ATP8B4: variants seen among roughly 807,000 people sequenced by gnomAD.
ATP8B4 encodes ATPase phospholipid transporting 8B4 (putative).
In ATP8B4, 133 loss-of-function variants were observed where a neutral mutation model predicts 145.6. The observed-to-expected ratio is 0.91, with a 90% CI of 0.79 to 1.05. ATP8B4 has a LOEUF of 1.05. ATP8B4 is among the 50% of genes least tolerant of loss of function. ATP8B4 has a pLI of 0.00. For synonymous variants in ATP8B4, 507 were observed against 492.9 expected, an observed-to-expected ratio of 1.03 and a Z score of -0.38; for missense variants, 1,458 against 1,425.2, an observed-to-expected ratio of 1.02 and a Z score of -0.37.
At chr15:50,037,945 C>T (rs2050962402) in intron 6 of ATP8B4, among the ~76,000 whole-genome samples, 1 of 152,198 alleles carries the variant, frequency 6.6e-6, no homozygotes, top group Admixed American at 6.5e-5. Flanking sequence ...ATATCTTTAG[C>T]ATTTTCCCTC....
chr15:49,976,213 A>T (rs111295933), intron 12 of ATP8B4, among the ~76,000 whole-genome samples: 1,912 of 152,128 alleles, frequency 0.013, 21 homozygotes, highest in Admixed American at 0.021. Context: ...TTATTTATTT[A>T]TATATTTTCA....
rs1383531084 is a variant in ATP8B4 at position 50,029,128 on chromosome 15, G to C, written c.362+9640C>G. ...CACGCCTGTAGTCCCAGCTACTCGG[G>C]AGGCCGAGGCAAGAGAATCGCTTGA... On this transcript the variant is annotated intron_variant, in intron 6 of 27. Transcript: ENST00000284509. Among the ~76,000 whole-genome samples, 7 of 151,174 alleles carry C rather than the reference G, an allele frequency of 4.6e-5. 1 individual carries two copies. The highest frequency in any genetic ancestry group is 1.0e-4 in the Non-Finnish European group (7 of 67,926).
At chr15:49,972,201 C>A (rs956709083) in intron 13 of ATP8B4, among the ~76,000 whole-genome samples, 1 of 152,006 alleles carries the variant, frequency 6.6e-6, no homozygotes, top group African/African-American at 2.4e-5. Flanking sequence ...CAGCAAACCA[C>A]CATGGTACAT....
chr15:50,144,063 A>G (rs1176929430), intron 1 of ATP8B4, among the ~76,000 whole-genome samples: 1 of 152,158 alleles, frequency 6.6e-6, no homozygotes, highest in African/African-American at 2.4e-5. Context: ...AGCTGAGCCA[A>G]TTCAGGTCCC....
chr15:49,989,517 GTCATAA>G, intron 9 of ATP8B4, among the ~76,000 whole-genome samples: 1 of 152,086 alleles, frequency 6.6e-6, no homozygotes, highest in Non-Finnish European at 1.5e-5. Flanking sequence ...CATTTCTATT[GTCATAA>G]GCAAAGACTG....
At chr15:49,994,659 G>T (rs1057216554) in intron 9 of ATP8B4, among the ~76,000 whole-genome samples, 2 of 151,992 alleles carry the variant, frequency 1.3e-5, no homozygotes, top group Non-Finnish European at 2.9e-5. Context: ...ATGGTGGATT[G>T]AGAGTGTAAG....
intron 9 of ATP8B4, among the ~76,000 whole-genome samples, chr15:49,991,464 T>C (rs10519252): frequency 0.29 from 43,902 of 152,144 alleles, 6,823 homozygotes; most frequent in East Asian, 0.57. Context: ...GAATGTCCAG[T>C]TTACATAATA....
At chr15:49,977,741 AAGT>A (rs1435537225) in intron 12 of ATP8B4, among the ~76,000 whole-genome samples, 1 of 152,176 alleles carries the variant, frequency 6.6e-6, no homozygotes, top group African/African-American at 2.4e-5. Context: ...ATGCATAAGA[AAGT>A]AGTTTTTAAG....
At position 49,888,150 on chromosome 15, in the gene ATP8B4, G is replaced by A. The variant is rs375105749; in HGVS notation, c.2698-8691C>T. 1.1e-3 allele frequency among the ~76,000 whole-genome samples: 169 copies of A among 152,270 alleles called. 1 individual carries two copies. The highest frequency in any genetic ancestry group is 3.5e-3 in the African/African-American group (145 of 41,558). On this transcript the variant is annotated intron_variant, in intron 23 of 27. Transcript: ENST00000284509. ...TGATTTGTGTAATTAGTAAAAACCC[G>A]CTCGCAGCATCCAGGAGGAGTGACC...
At chr15:50,008,500 T>G (rs1254665013) in intron 7 of ATP8B4, among the ~76,000 whole-genome samples, 2 of 152,132 alleles carry the variant, frequency 1.3e-5, no homozygotes, top group African/African-American at 4.8e-5. Flanking sequence ...AAATCTAAAT[T>G]AATTAAAATT....
At chr15:50,057,004 G>A (rs2052659167) in intron 3 of ATP8B4, among the ~76,000 whole-genome samples, 1 of 152,108 alleles carries the variant, frequency 6.6e-6, no homozygotes, top group South Asian at 2.1e-4. Flanking sequence ...GGGATTACAG[G>A]TATGAGCCAC....
At chr15:50,118,157 GATAAA>G (rs2057209385) in intron 1 of ATP8B4, among the ~76,000 whole-genome samples, 1 of 151,972 alleles carries the variant, frequency 6.6e-6, no homozygotes, top group African/African-American at 2.4e-5. Context: ...AGATATAAAC[GATAAA>G]ATAAACGATA....
intron 14 of ATP8B4, among the ~76,000 whole-genome samples, chr15:49,940,430 A>G (rs2042075613): frequency 6.6e-6 from 1 of 152,184 alleles, no homozygotes; most frequent in African/African-American, 2.4e-5. Flanking sequence ...GGGTTGAAGA[A>G]CTACCTATTC....
At chr15:50,172,230 T>C (rs1220721027) in intron 1 of ATP8B4, among the ~76,000 whole-genome samples, 1 of 152,250 alleles carries the variant, frequency 6.6e-6, no homozygotes. Context: ...CTCCGCTCAC[T>C]GCAACCTCCC....
intron 6 of ATP8B4, among the ~76,000 whole-genome samples, chr15:50,013,254 T>C (rs1019419690): frequency 7.2e-5 from 11 of 152,124 alleles, no homozygotes; most frequent in Non-Finnish European, 1.2e-4. Context: ...TGGCTCTACA[T>C]GTGTGATGCA....
chr15:49,878,616 C>T (rs962958701), intron 24 of ATP8B4, among the ~76,000 whole-genome samples: 1 of 152,206 alleles, frequency 6.6e-6, no homozygotes, highest in Non-Finnish European at 1.5e-5. Flanking sequence ...CCACAGGCAG[C>T]CAGACTTTTT....
At chr15:49,952,295 G>A (rs1165832722) in intron 14 of ATP8B4, among the ~76,000 whole-genome samples, 1 of 152,108 alleles carries the variant, frequency 6.6e-6, no homozygotes, top group Non-Finnish European at 1.5e-5. Flanking sequence ...TTTCTTTTCA[G>A]ATTGTTTCCA....
At chr15:50,137,762 T>A (rs2153679508) in intron 1 of ATP8B4, among the ~76,000 whole-genome samples, 1 of 152,286 alleles carries the variant, frequency 6.6e-6, no homozygotes, top group South Asian at 2.1e-4. Flanking sequence ...ATATACAGTG[T>A]TAGAGCTGGG....
At chr15:49,982,233 A>G (rs900267451) in intron 10 of ATP8B4, among the ~76,000 whole-genome samples, 1 of 152,256 alleles carries the variant, frequency 6.6e-6, no homozygotes, top group East Asian at 1.9e-4. Context: ...TCCTTAAAAG[A>G]CTTTTCTTTA....
Sources: allele counts gnomAD v4.1 joint callset (sites outside exome capture counted in the v4.1 genomes callset), GRCh38; gene constraint gnomAD v4.1.1; transcripts MANE v1.5; gene names NCBI Gene and HGNC (gene_info 2026-07-23, HGNC 2026-07-21).